The following ATXN2 variants were observed in gnomAD, a reference collection of about 807,000 sequenced individuals.
The protein encoded by ATXN2 is ataxin-2.
ATXN2 carries 37 observed loss-of-function variants against 138.6 expected under a neutral mutation model. The ratio of observed to expected loss-of-function variants is 0.27; its 90% CI spans 0.21 to 0.35. ATXN2 has a LOEUF of 0.35. ATXN2 is among the 10% of genes least tolerant of loss of function. The pLI is 1.00. For missense variants in ATXN2, 1,216 were observed against 1,480.3 expected, an observed-to-expected ratio of 0.82 and a Z score of 2.93; for synonymous variants, 549 against 543.7, an observed-to-expected ratio of 1.01 and a Z score of -0.13.
chr12:111,554,089 A>AT, intron 3 of ATXN2, 69 bp downstream of exon 3: 1 of 1,068,312 alleles, frequency 9.4e-7, no homozygotes, highest in Non-Finnish European at 1.3e-6. Flanking sequence ...ATTTATCCAC[A>AT]TTTTAACTTC....
At chr12:111,571,330 G>A (rs1295724252) in intron 1 of ATXN2, among the ~76,000 whole-genome samples, 3 of 152,214 alleles carry the variant, frequency 2.0e-5, no homozygotes, top group Non-Finnish European at 4.4e-5. Context: ...ACAAAACAGT[G>A]TGAGGGAAAA....
Position 111,552,778 on chromosome 12 carries a change from T to C in ATXN2, c.420+128A>G. 1 of 642,878 alleles carries C rather than the reference T, an allele frequency of 1.6e-6. No homozygotes were observed. The highest frequency in any genetic ancestry group is 3.1e-5 in the East Asian group (1 of 32,554). The allele number at this position is 642,878 out of a possible 1,614,324, so 39.8% of individuals were successfully genotyped here. On this transcript the variant is annotated intron_variant, in intron 4 of 24. Coordinates refer to ENST00000673436, the MANE Select transcript of ATXN2 (RefSeq NM_001372574.1). The surrounding 1 kb of genome is among the most constrained non-coding windows in gnomAD (Gnocchi z 4.1). ...AAGCCTCTCTGATTACACAAACCAG[T>C]CTATAAAATAATCAGTATTTGAAAC...
chr12:111,498,597 T>A (rs977023105), intron 14 of ATXN2, among the ~76,000 whole-genome samples: 1 of 152,190 alleles, frequency 6.6e-6, no homozygotes, highest in African/African-American at 2.4e-5. Flanking sequence ...ATTCCATGTT[T>A]ATGGATTAGA....
intron 1 of ATXN2, among the ~76,000 whole-genome samples, chr12:111,572,414 C>A (rs1201530875): frequency 6.2e-5 from 9 of 145,994 alleles, no homozygotes; most frequent in Admixed American, 3.4e-4. Flanking sequence ...AAAAAAAAAA[C>A]AAATTTACTA....
At chr12:111,577,018 G>A (rs971768382) in intron 1 of ATXN2, among the ~76,000 whole-genome samples, 3 of 151,544 alleles carry the variant, frequency 2.0e-5, no homozygotes, top group Admixed American at 6.6e-5. Flanking sequence ...CGTTGGCCAC[G>A]CTGGTCTCGA....
At chr12:111,595,417 G>C (rs545149552) in intron 1 of ATXN2, among the ~76,000 whole-genome samples, 1 of 152,052 alleles carries the variant, frequency 6.6e-6, no homozygotes, top group African/African-American at 2.4e-5. Context: ...CGAGGCGGGC[G>C]CATCACCTGA....
At chr12:111,547,537 C>A (rs1387278826) in intron 5 of ATXN2, among the ~76,000 whole-genome samples, 1 of 151,714 alleles carries the variant, frequency 6.6e-6, no homozygotes, top group African/African-American at 2.4e-5. Flanking sequence ...ACCAGCCTGA[C>A]CAACGTGGAG....
Position 111,552,609 on chromosome 12 carries a change from A to G in ATXN2, c.421-179T>C, listed in dbSNP as rs1882181123. ...TCCATTCCATCATTTAAAAATCCTCATATCTAAATGTTTTTTGTTTCTATG... is the reference window on the plus strand; with the variant it reads ...TCCATTCCATCATTTAAAAATCCTCGTATCTAAATGTTTTTTGTTTCTATG... On this transcript the variant is annotated intron_variant, in intron 4 of 24. Transcript: ENST00000673436. The surrounding 1 kb of genome is among the most constrained non-coding windows in gnomAD (Gnocchi z 4.1). 2 of 671,690 alleles carry G rather than the reference A, an allele frequency of 3.0e-6. No homozygotes were observed. Among genetic ancestry groups the G allele is most frequent in the Admixed American group, 3.7e-5 (1 of 27,040 alleles). 41.6% of individuals were successfully genotyped at this position (671,690 alleles called of 1,614,324 possible).
At chr12:111,534,992 A>C (rs1238187168) in intron 5 of ATXN2, among the ~76,000 whole-genome samples, 1 of 152,068 alleles carries the variant, frequency 6.6e-6, no homozygotes, top group Non-Finnish European at 1.5e-5. Context: ...ACTAAAAAAA[A>C]CAAACAAAAA....
chr12:111,493,105 T>C (rs1360453078), intron 14 of ATXN2, among the ~76,000 whole-genome samples: 3 of 152,086 alleles, frequency 2.0e-5, no homozygotes, highest in Admixed American at 1.3e-4. Flanking sequence ...ATTAGTGAGC[T>C]TGAATTCAGG....
chr12:111,577,959 G>A (rs1366161953), intron 1 of ATXN2, among the ~76,000 whole-genome samples: 1 of 152,074 alleles, frequency 6.6e-6, no homozygotes, highest in African/African-American at 2.4e-5. Flanking sequence ...ACTTTGGGAG[G>A]CCACGGCGGG....
At chr12:111,588,186 C>T (rs1290777857) in intron 1 of ATXN2, among the ~76,000 whole-genome samples, 2 of 125,576 alleles carry the variant, frequency 1.6e-5, no homozygotes, top group Non-Finnish European at 3.0e-5. Context: ...GATCCTATCA[C>T]AAAAATAAAT....
At chr12:111,507,043 G>A (rs1879175349) in intron 14 of ATXN2, among the ~76,000 whole-genome samples, 2 of 152,158 alleles carry the variant, frequency 1.3e-5, no homozygotes, top group Non-Finnish European at 2.9e-5. Context: ...ACCTGCCTTG[G>A]CCTCCCAAAG....
Position 111,559,737 on chromosome 12 carries a change from C to T in ATXN2, c.252-3818G>A, listed in dbSNP as rs551297874. On this transcript the variant is annotated intron_variant, in intron 1 of 24. Transcript: ENST00000673436. ...CCAGTGAGCCGAGATCGTGCCACTG[C>T]ACTCCAGCCTGGGCGACAGAGCAAG... is the stretch of plus-strand genomic sequence containing the variant. Among the ~76,000 whole-genome samples the T allele has an allele frequency of 7.5e-5, 11 of 146,288 alleles. 2 individuals are homozygous for T. The highest frequency in any genetic ancestry group is 2.8e-4 in the African/African-American group (11 of 39,334).
intron 10 of ATXN2, 68 bp from the exon 11 acceptor site, chr12:111,513,607 ACACCCATT>A: frequency 7.4e-7 from 1 of 1,357,258 alleles, no homozygotes; most frequent in Non-Finnish European, 1.0e-6. Flanking sequence ...TCTGCTAAAT[ACACCCATT>A]CACACACACA....
chr12:111,454,681 C>T (rs1194677235), intron 23 of ATXN2: 1 of 269,550 alleles, frequency 3.7e-6, no homozygotes, highest in Non-Finnish European at 7.5e-6. Flanking sequence ...CTGTTCTAGA[C>T]TACGATAAGC....
At chr12:111,537,588 A>G (rs529010811) in intron 5 of ATXN2, among the ~76,000 whole-genome samples, 1 of 151,996 alleles carries the variant, frequency 6.6e-6, no homozygotes, top group Admixed American at 6.6e-5. Context: ...GTTTCAAAAA[A>G]AAAAAAGAAA....
chr12:111,592,510 C>T (rs1242580458), intron 1 of ATXN2, among the ~76,000 whole-genome samples: 3 of 149,976 alleles, frequency 2.0e-5, no homozygotes, highest in Non-Finnish European at 3.0e-5. Flanking sequence ...CGGCCAAGCA[C>T]GGTGGCTCAT....
At position 111,554,237 on chromosome 12, in the gene ATXN2, A is replaced by C; in HGVS notation, c.289-20T>G. On this transcript the variant is annotated intron_variant, in intron 2 of 24. Transcript: ENST00000673436. ...AGAAATCTGGAATATTAAAAAAAAA[A>C]AAAACTATTAGAAATTAGTACAAAC... The C allele has an allele frequency of 7.3e-7, 1 of 1,376,766 alleles. No individual in the cohort carries two copies. The highest frequency in any genetic ancestry group is 9.7e-7 in the Non-Finnish European group (1 of 1,035,704). The allele number at this position is 1,376,766 out of a possible 1,614,324, so 85.3% of individuals were successfully genotyped here. A position where few individuals can be genotyped will look rare whatever the true frequency, so the allele number is the denominator to read the frequency against.
Sources: allele counts gnomAD v4.1 joint callset (sites outside exome capture counted in the v4.1 genomes callset), GRCh38; gene constraint gnomAD v4.1.1; non-coding constraint Gnocchi (gnomAD v3.1); transcripts MANE v1.5; gene names NCBI Gene and HGNC (gene_info 2026-07-23, HGNC 2026-07-21).